BRINP1: variants seen among roughly 807,000 people sequenced by gnomAD.
BRINP1 encodes the protein BMP/retinoic acid inducible neural specific 1.
Under a neutral mutation model 72.9 loss-of-function variants are expected in BRINP1, and 17 were observed. The observed-to-expected ratio is 0.23, with a 90% CI of 0.16 to 0.35. The LOEUF (loss-of-function observed/expected upper bound fraction) is 0.35, where lower values mean the gene tolerates loss of function less well. Among genes scored for constraint, BRINP1 ranks in the 10% least tolerant of loss-of-function variants. BRINP1 has a pLI of 1.00. For synonymous variants in BRINP1, 418 were observed against 378.5 expected (o/e 1.10, Z -1.21); for missense variants, 850 against 1,001.6 (o/e 0.85, Z 2.04).
Position 119,167,162 on chromosome 9 carries a change from G to T in BRINP1, c.2208C>A (p.Ile736=), listed in dbSNP as rs762845221. The T allele has an allele frequency of 1.9e-6, 3 of 1,614,172 alleles. No homozygotes were observed. Among genetic ancestry groups the T allele is most frequent in the Non-Finnish European group, 1.7e-6 (2 of 1,180,040 alleles). ...ACAGGTCCAAGGCGTGGTTCACCCTGATGATCTCGCTGTTGGTCAGTTTCA... is the reference window on the plus strand; with the variant it reads ...ACAGGTCCAAGGCGTGGTTCACCCTTATGATCTCGCTGTTGGTCAGTTTCA... The part of the protein sequence containing the change: ...HRLKLTNSEI[I]RVNHALDLYN... Residue 736 remains isoleucine, a synonymous_variant, in exon 8 of 8, where the codon ATC becomes ATA. Transcript: ENST00000265922. The surrounding 1 kb of genome is among the most constrained non-coding windows in gnomAD (Gnocchi z 4.3).
intron 7 of BRINP1, among the ~76,000 whole-genome samples, chr9:119,207,982 C>T (rs958741689): frequency 6.6e-6 from 1 of 152,112 alleles, no homozygotes; most frequent in Non-Finnish European, 1.5e-5. Context: ...AGAAATGCCC[C>T]GGAAGAATAG....
intron 7 of BRINP1, among the ~76,000 whole-genome samples, chr9:119,204,265 T>C (rs1030715864): frequency 6.6e-6 from 1 of 152,174 alleles, no homozygotes; most frequent in Non-Finnish European, 1.5e-5. Context: ...TACAGATTCA[T>C]AATAGATAAT....
At chr9:119,303,398 C>T (rs1830961702) in intron 2 of BRINP1, among the ~76,000 whole-genome samples, 1 of 151,880 alleles carries the variant, frequency 6.6e-6, no homozygotes, top group Admixed American at 6.6e-5. Context: ...CAAATGTCCC[C>T]TGAGCATTAC....
intron 2 of BRINP1, chr9:119,283,294 C>T (rs1830731196): frequency 1.8e-6 from 1 of 561,676 alleles, no homozygotes. Context: ...ATCTCCAGCC[C>T]TGCCCCAGAC....
At chr9:119,201,175 A>T (rs555805009) in intron 7 of BRINP1, among the ~76,000 whole-genome samples, 1 of 152,334 alleles carries the variant, frequency 6.6e-6, no homozygotes, top group South Asian at 2.1e-4. Flanking sequence ...GAAAGTGACT[A>T]GAGTAGATTC....
At chr9:119,306,172 T>G (rs933825179) in intron 2 of BRINP1, among the ~76,000 whole-genome samples, 1 of 152,222 alleles carries the variant, frequency 6.6e-6, no homozygotes. Flanking sequence ...TGTAGCTGAC[T>G]ATGGTTTGTA....
rs376071310 is a variant in BRINP1, at chr9:119,357,806, A to G, written c.-51+11250T>C. 3.9e-4 allele frequency among the ~76,000 whole-genome samples: 60 copies of G among 152,322 alleles called. 2 individuals are homozygous for G. Among genetic ancestry groups the G allele is most frequent in the African/African-American group, 1.4e-3 (60 of 41,576 alleles). On this transcript the variant is annotated intron_variant, in intron 1 of 7. Coordinates refer to ENST00000265922, the MANE Select transcript of BRINP1 (RefSeq NM_014618.3). ...GAGTCTGCATGACAGACTTCATTGC[A>G]TGAAGATTTGCAATGACTAACCTAT... is the stretch of plus-strand genomic sequence containing the variant.
At chr9:119,255,785 C>A (rs1415623825) in intron 2 of BRINP1, among the ~76,000 whole-genome samples, 1 of 151,928 alleles carries the variant, frequency 6.6e-6, no homozygotes, top group Non-Finnish European at 1.5e-5. Flanking sequence ...GAAACCCCAT[C>A]TCTACTACAC....
chr9:119,176,491 A>G (rs983292318), intron 7 of BRINP1, among the ~76,000 whole-genome samples: 3 of 152,192 alleles, frequency 2.0e-5, no homozygotes, highest in African/African-American at 7.2e-5. Flanking sequence ...GTTGAAAAGT[A>G]TGGTTGTTGG....
intron 5 of BRINP1, among the ~76,000 whole-genome samples, chr9:119,224,371 A>T (rs1260381319): frequency 6.6e-6 from 1 of 152,058 alleles, no homozygotes; most frequent in Non-Finnish European, 1.5e-5. Flanking sequence ...ACAGAATCAC[A>T]AATCTGCAAA....
intron 2 of BRINP1, among the ~76,000 whole-genome samples, chr9:119,259,027 C>T (rs779555524): frequency 2.6e-5 from 4 of 152,172 alleles, no homozygotes; most frequent in Non-Finnish European, 5.9e-5. Flanking sequence ...ACTCTGGCAA[C>T]CCACCCTGCC....
At chr9:119,191,829 G>T (rs185405351) in intron 7 of BRINP1, among the ~76,000 whole-genome samples, 1 of 151,820 alleles carries the variant, frequency 6.6e-6, no homozygotes, top group Non-Finnish European at 1.5e-5. Flanking sequence ...AGGAGGCATC[G>T]TGCTTCCTGA....
chr9:119,257,617 G>A (rs1215432482), intron 2 of BRINP1, among the ~76,000 whole-genome samples: 2 of 152,160 alleles, frequency 1.3e-5, no homozygotes, highest in East Asian at 3.8e-4. Context: ...TGAGTATCGG[G>A]GTGATAGAGG....
chr9:119,199,794 G>C (rs1277801542), intron 7 of BRINP1, among the ~76,000 whole-genome samples: 1 of 100,244 alleles, frequency 1.0e-5, no homozygotes, highest in Non-Finnish European at 1.9e-5. Flanking sequence ...TGTTTTTCTT[G>C]TTCTTCTTTT....
chr9:119,339,389 A>G (rs77788521), intron 1 of BRINP1, among the ~76,000 whole-genome samples: 2,641 of 152,290 alleles, frequency 0.017, 98 homozygotes, highest in African/African-American at 0.061. Context: ...CGTGTTATAT[A>G]TTTCATTTGA....
rs1196105450 is a variant in BRINP1, at chr9:119,168,142, G to T, written c.1228C>A (p.Gln410Lys). The T allele has an allele frequency of 1.3e-6, 2 of 1,599,008 alleles. No individual in the cohort carries two copies. The highest frequency in any genetic ancestry group is 1.7e-6 in the Non-Finnish European group (2 of 1,171,338). The change falls in exon 8 of 8, where the codon CAG becomes AAG. Residue 410 changes from glutamine to lysine, a missense_variant. Coordinates refer to ENST00000265922, the MANE Select transcript of BRINP1 (RefSeq NM_014618.3). ...CTGCCGTGGCACACGCAGCTCCGCT[G>T]GCTCTCCAGGAAGGTTCCCCAAAAC... is the stretch of plus-strand genomic sequence containing the variant. ...NGFWGTFLES[Q>K]RSCVCHGSTT...
At chr9:119,355,648 GA>G (rs1351257400) in intron 1 of BRINP1, among the ~76,000 whole-genome samples, 1 of 150,578 alleles carries the variant, frequency 6.6e-6, no homozygotes, top group Non-Finnish European at 1.5e-5. Context: ...AGAATGGTGT[GA>G]ACCTGGGAGG....
chr9:119,172,897 T>C (rs1396334802), intron 7 of BRINP1, among the ~76,000 whole-genome samples: 29 of 150,452 alleles, frequency 1.9e-4, no homozygotes, highest in Non-Finnish European at 3.8e-4. Flanking sequence ...ATTATCTCCA[T>C]AGATGCAGAA....
intron 5 of BRINP1, among the ~76,000 whole-genome samples, chr9:119,230,540 C>T (rs1830139053): frequency 1.3e-5 from 2 of 151,860 alleles, no homozygotes; most frequent in Admixed American, 1.3e-4. Context: ...GACATTTGTG[C>T]TTGGCATTGA....
Sources: allele counts gnomAD v4.1 joint callset (sites outside exome capture counted in the v4.1 genomes callset), GRCh38; gene constraint gnomAD v4.1.1; non-coding constraint Gnocchi (gnomAD v3.1); transcripts MANE v1.5; gene names NCBI Gene and HGNC (gene_info 2026-07-23, HGNC 2026-07-21).